Variants in C11orf91 observed in about 807,000 individuals in gnomAD.
C11orf91 encodes the protein chromosome 11 open reading frame 91, also known as uncharacterized protein C11orf91.
In C11orf91, 10 loss-of-function variants were observed where a neutral mutation model predicts 14.3. The ratio of observed to expected loss-of-function variants is 0.70; its 90% CI spans 0.43 to 1.18. The LOEUF is 1.18. Ranked by LOEUF, C11orf91 falls within the 50% of genes most tolerant of loss-of-function variation. C11orf91 has a pLI of 0.00. For synonymous variants in C11orf91, 141 were observed against 130.6 expected (o/e 1.08, Z -0.54); for missense variants, 236 against 269.0 (o/e 0.88, Z 0.86).
In C11orf91 at chr11:33,700,639, G is replaced by T. The variant is rs976824809; in HGVS notation, c.102C>A (p.Ser34=). Residue 34 remains serine (S), a synonymous_variant, in exon 1 of 2, where the codon TCC becomes TCA. Transcript: ENST00000379011. ...TCCAGATGTTGAAGTCGCTGAGCGG[G>T]GACGAGGAGATGCCGCGGTCGTACA... is the stretch of plus-strand genomic sequence containing the variant. ...PSLYDRGISS[S]PLSDFNIWKK... 9 of 1,473,710 alleles carry T rather than the reference G, an allele frequency of 6.1e-6. No homozygotes were observed. In the African/African-American group the frequency reaches 1.2e-4, roughly 19 times the overall value. The allele number at this position is 1,473,710 out of a possible 1,614,324, so 91.3% of individuals were successfully genotyped here.
rs1253564860 is a variant in C11orf91 at position 33,700,262 on chromosome 11, C to T, written c.479G>A (p.Gly160Asp). Residue 160 changes from glycine (G) to aspartate (D), a missense_variant, in exon 1 of 2, where the codon GGC becomes GAC. Transcript: ENST00000379011. ...TCACGCACAGCTCTGGGAGTCGAAG[C>T]CGTCCCCAGTGATGGTGAGCAACTC... is the stretch of plus-strand genomic sequence containing the variant. ...ELELLTITGD[G>D]FDSQSYTFLK... The T allele has an allele frequency of 1.3e-6, 2 of 1,533,842 alleles. No individual in the cohort carries two copies. The highest frequency in any genetic ancestry group is 2.5e-5 in the East Asian group (1 of 40,608).
chr11:33,701,754 A>AGTGTGTGTGT (rs35903408), upstream of C11orf91, among the ~76,000 whole-genome samples: 4,495 of 148,980 alleles, frequency 0.03, 198 homozygotes, highest in African/African-American at 0.098. Flanking sequence ...CACAGTGCAA[A>AGTGTGTGTGT]GTGTGTGTGT....
chr11:33,700,379 G>T lies in C11orf91; in HGVS notation c.362C>A (p.Ser121Ter). 3 of 1,534,334 alleles carry T rather than the reference G, an allele frequency of 2.0e-6. No homozygotes were observed. Among genetic ancestry groups the T allele is most frequent in the Non-Finnish European group, 2.6e-6 (3 of 1,146,248 alleles). Residue 121 changes from serine to a stop codon, truncating the protein, a stop_gained, in exon 1 of 2, where the codon TCG (serine) becomes TAG (stop). Transcript: ENST00000379011. LOFTEE classifies it high-confidence loss of function. ...SPPPGPEVVA[S>*]PLVPCPSTPR... ...GGTCGAGGGGCAGGGGACCAGGGGC[G>T]AGGCAACCACCTCAGGCCCCGGCGG...
At chr11:33,701,539 G>A (rs1418117364), upstream of C11orf91, among the ~76,000 whole-genome samples, 1 of 152,176 alleles carries the variant, frequency 6.6e-6, no homozygotes, top group African/African-American at 2.4e-5. Flanking sequence ...GCTTATGAGC[G>A]ATTTGGACAT....
intron 1 of C11orf91, 55 bp downstream of exon 1, chr11:33,700,190 G>T: frequency 6.7e-7 from 1 of 1,491,986 alleles, no homozygotes; most frequent in African/African-American, 1.4e-5. Context: ...CGGAGCCAAG[G>T]AGGGAGCTAG....
upstream of C11orf91, chr11:33,705,482 T>C (rs1325977671): frequency 6.6e-6 from 1 of 152,236 alleles, no homozygotes; most frequent in East Asian, 1.9e-4. Context: ...CTGGCTTTCT[T>C]CCACTCTTCC....
rs1564962113 is a variant in C11orf91, at chr11:33,700,327, C to T, written c.414G>A (p.Pro138=). Residue 138 remains proline, a synonymous_variant, in exon 1 of 2, where the codon CCG becomes CCA. Transcript: ENST00000379011. The part of the protein sequence containing the change: ...STPRLASASH[P]EELCELEIRI... ...GGATCTCCAGCTCGCAGAGCTCCTCCGGGTGGGAGGCAGAGGCGAGCCTGG... is the reference window on the plus strand; with the variant it reads ...GGATCTCCAGCTCGCAGAGCTCCTCTGGGTGGGAGGCAGAGGCGAGCCTGG... 13 of 1,535,136 alleles carry T rather than the reference C, an allele frequency of 8.5e-6. No individual in the cohort carries two copies. Among genetic ancestry groups the T allele is most frequent in the Middle Eastern group, 1.7e-4 (1 of 6,010 alleles).
rs1853059873 is a variant in C11orf91 at position 33,698,305 on chromosome 11, G to T, written c.*124C>A. On this transcript the variant is annotated 3_prime_UTR_variant, in exon 2 of 2. Transcript: ENST00000379011. ...ACTGTATGTGAAGTACATGCTGGTA[G>T]CAACAAGAACAGCGGTAAATACAGA... 1 of 668,734 alleles carries T rather than the reference G, an allele frequency of 1.5e-6. No homozygotes were observed. Among genetic ancestry groups the T allele is most frequent in the African/African-American group, 1.8e-5 (1 of 55,602 alleles). 41.4% of individuals were successfully genotyped at this position (668,734 alleles called of 1,614,324 possible).
chr11:33,701,097 C>T (rs1007260271), upstream of C11orf91, among the ~76,000 whole-genome samples: 8 of 152,262 alleles, frequency 5.3e-5, no homozygotes, highest in African/African-American at 1.9e-4. Context: ...GGCAGCGGGC[C>T]AGGGCTGCAG....
At position 33,700,743 on chromosome 11, in the gene C11orf91, T is replaced by C; in HGVS notation, c.-3A>G. On this transcript the variant is annotated 5_prime_UTR_variant, in exon 1 of 2. Coordinates refer to ENST00000379011, the MANE Select transcript of C11orf91 (RefSeq NM_001166692.2). ...CTGCCGCGCCGCCCCTTTGGCATCG[T>C]TTGAATGAGGGTCTGCGTGGGAGGA... 4 of 1,355,812 alleles carry C rather than the reference T, an allele frequency of 3.0e-6. No homozygotes were observed. The highest frequency in any genetic ancestry group is 2.9e-6 in the Non-Finnish European group (3 of 1,051,720). The allele number at this position is 1,355,812 out of a possible 1,614,324, so 84.0% of individuals were successfully genotyped here. A position where few individuals can be genotyped will look rare whatever the true frequency, so the allele number is the denominator to read the frequency against.
At chr11:33,700,144 C>A in intron 1 of C11orf91, 101 bp downstream of exon 1, 1 of 1,305,182 alleles carries the variant, frequency 7.7e-7, no homozygotes, top group Non-Finnish European at 1.0e-6. Flanking sequence ...CTACTGGGGG[C>A]TGGAGTCAAA....
upstream of C11orf91, among the ~76,000 whole-genome samples, chr11:33,701,959 C>A (rs938530081): frequency 1.3e-5 from 2 of 152,040 alleles, no homozygotes; most frequent in Admixed American, 6.5e-5. Context: ...GACACTTTGT[C>A]CAAACACAAG....
At chr11:33,700,942 T>G, upstream of C11orf91, 3 of 420,524 alleles carry the variant, frequency 7.1e-6, no homozygotes, top group Non-Finnish European at 1.2e-5. Context: ...CCACCTCGGC[T>G]GGCCGCACCC....
At chr11:33,700,031 G>A (rs1367157043) in intron 1 of C11orf91, among the ~76,000 whole-genome samples, 1 of 152,132 alleles carries the variant, frequency 6.6e-6, no homozygotes, top group Non-Finnish European at 1.5e-5. Flanking sequence ...ATGGAGTTTG[G>A]GACTAAGAGG....
Position 33,700,610 on chromosome 11 carries a change from T to A in C11orf91, c.131A>T (p.Lys44Met). 6.8e-7 allele frequency: 1 copy of A among 1,471,766 alleles called. No homozygotes were observed. The highest frequency in any genetic ancestry group is 9.0e-7 in the Non-Finnish European group (1 of 1,116,590). The allele number at this position is 1,471,766 out of a possible 1,614,324, so 91.2% of individuals were successfully genotyped here. Residue 44 changes from lysine (K) to methionine (M), a missense_variant, in exon 1 of 2, where the codon AAG (lysine) becomes ATG (methionine). Lys to Met is a moderately conservative substitution (Grantham distance 95). Coordinates refer to ENST00000379011, the MANE Select transcript of C11orf91 (RefSeq NM_001166692.2). ...GCCCGCCTTCAGCGGCACGAAGAGC[T>A]TCTTCCAGATGTTGAAGTCGCTGAG... ...SPLSDFNIWK[K>M]LFVPLKAGGA...
chr11:33,701,386 G>A (rs1335017516), upstream of C11orf91, among the ~76,000 whole-genome samples: 1 of 152,210 alleles, frequency 6.6e-6, no homozygotes, highest in East Asian at 1.9e-4. Flanking sequence ...TCCTCATCTG[G>A]TTTGTAATAG....
chr11:33,699,036 A>G (rs1400791935), intron 1 of C11orf91, among the ~76,000 whole-genome samples: 2 of 152,062 alleles, frequency 1.3e-5, no homozygotes, highest in Non-Finnish European at 2.9e-5. Flanking sequence ...CTGACCTCAA[A>G]TGATCCACCC....
chr11:33,702,041 C>A (rs923047517), upstream of C11orf91, among the ~76,000 whole-genome samples: 16 of 152,172 alleles, frequency 1.1e-4, no homozygotes, highest in African/African-American at 3.6e-4. Context: ...GCTTCCCACA[C>A]TTAGTTGTCA....
chr11:33,700,652 C>G lies in C11orf91; in HGVS notation c.89G>C (p.Gly30Ala). ...GTCGCTGAGCGGGGACGAGGAGATG[C>G]CGCGGTCGTACAGGGACGGGAAATA... ...PLYFPSLYDRGISSSPLSDFN... is the reference protein window; with the variant it reads ...PLYFPSLYDRAISSSPLSDFN... Residue 30 changes from glycine (G) to alanine (A), a missense_variant, in exon 1 of 2, where the codon GGC becomes GCC. Gly to Ala is a moderately conservative substitution (Grantham distance 60). Transcript: ENST00000379011. 6.8e-7 allele frequency: 1 copy of G among 1,472,186 alleles called. No individual in the cohort carries two copies. The highest frequency in any genetic ancestry group is 9.0e-7 in the Non-Finnish European group (1 of 1,115,758). 91.2% of individuals were successfully genotyped at this position (1,472,186 alleles called of 1,614,324 possible).
Sources: gnomAD v4.1 joint callset for allele counts (sites outside exome capture counted in the v4.1 genomes callset) on GRCh38, gnomAD v4.1.1 for gene constraint, MANE v1.5 for transcripts, NCBI Gene and HGNC (gene_info 2026-07-23, HGNC 2026-07-21) for gene names.